The following PTPRN2 variants were observed in gnomAD, a reference collection of about 807,000 sequenced individuals.
The protein encoded by PTPRN2 is receptor-type tyrosine-protein phosphatase N2.
In PTPRN2, 74 loss-of-function variants were observed where a neutral mutation model predicts 118.8. That is an observed-to-expected ratio of 0.62 (90% confidence interval 0.52 to 0.76). The LOEUF is 0.76. Ranked by LOEUF, PTPRN2 falls within the 30% of genes least tolerant of loss-of-function variation. The probability of loss-of-function intolerance (pLI) is 0.00; values close to 1 mark genes in which losing one functional copy is unlikely to be tolerated. For synonymous variants in PTPRN2, 641 were observed against 608.0 expected (o/e 1.05, Z -0.80); for missense variants, 1,481 against 1,394.4 (o/e 1.06, Z -0.99).
At chr7:158,443,758 G>A (rs75271568) in intron 2 of PTPRN2, among the ~76,000 whole-genome samples, 11,472 of 152,268 alleles carry the variant, frequency 0.075, 513 homozygotes, top group Non-Finnish European at 0.099. Context: ...TCCAAGGCCT[G>A]TGGCCAGCAG....
chr7:158,445,602 C>T (rs760237739), intron 2 of PTPRN2, among the ~76,000 whole-genome samples: 61 of 152,348 alleles, frequency 4.0e-4, no homozygotes, highest in African/African-American at 1.3e-3. Flanking sequence ...CAGCCCATAA[C>T]GGGGCCGTCC....
chr7:158,124,843 G>A (rs910882636), intron 9 of PTPRN2, among the ~76,000 whole-genome samples: 2 of 152,356 alleles, frequency 1.3e-5, no homozygotes, highest in Admixed American at 6.5e-5. Flanking sequence ...ATTCCAACAG[G>A]AGAGGGTGAC....
intron 2 of PTPRN2, among the ~76,000 whole-genome samples, chr7:158,484,385 CAG>C (rs150440614): frequency 0.027 from 4,037 of 152,288 alleles, 68 homozygotes; most frequent in Non-Finnish European, 0.043. Context: ...TATTTAGAGA[CAG>C]AGTCTCACTC....
chr7:158,216,076 T>C (rs1563614806), intron 3 of PTPRN2, among the ~76,000 whole-genome samples: 1 of 152,078 alleles, frequency 6.6e-6, no homozygotes, highest in South Asian at 2.1e-4. Flanking sequence ...AATTATAATA[T>C]AAATGAGGGG....
At chr7:158,280,088 C>T (rs1348475874) in intron 3 of PTPRN2, among the ~76,000 whole-genome samples, 1 of 152,156 alleles carries the variant, frequency 6.6e-6, no homozygotes, top group Non-Finnish European at 1.5e-5. Context: ...GCAGTTTGCT[C>T]TCAAGCAGTT....
rs1809199655 is a variant in PTPRN2, at chr7:158,363,772, G to T, written c.164-46840C>A. Among the ~76,000 whole-genome samples, 2 of 152,224 alleles carry T rather than the reference G, an allele frequency of 1.3e-5. 1 individual carries two copies. The highest frequency in any genetic ancestry group is 4.1e-4 in the South Asian group (2 of 4,838). On this transcript the variant is annotated intron_variant, in intron 2 of 22. Transcript: ENST00000389418. ...CACGGGCCTGGGAAGCGGCTGGCCTGCAGCTCAGGAACCCCAGTGTCTGGG... is the reference window on the plus strand; with the variant it reads ...CACGGGCCTGGGAAGCGGCTGGCCTTCAGCTCAGGAACCCCAGTGTCTGGG...
chr7:157,847,143 C>A (rs1808889561), intron 12 of PTPRN2, among the ~76,000 whole-genome samples: 2 of 137,876 alleles, frequency 1.5e-5, no homozygotes, highest in South Asian at 2.6e-4. Context: ...CTCTCTCACT[C>A]CATCATGCGT....
At chr7:158,343,291 AG>A (rs1468563189) in intron 2 of PTPRN2, among the ~76,000 whole-genome samples, 1 of 152,142 alleles carries the variant, frequency 6.6e-6, no homozygotes, top group East Asian at 1.9e-4. Flanking sequence ...CTGAAAGCAC[AG>A]GGAAGGCGCC....
intron 14 of PTPRN2, among the ~76,000 whole-genome samples, chr7:157,638,482 C>A (rs1469271136): frequency 1.3e-5 from 2 of 152,212 alleles, no homozygotes; most frequent in African/African-American, 2.4e-5. Context: ...CCATAGTCAA[C>A]CACAATTACC....
chr7:158,565,000 C>T (rs1004194139), intron 1 of PTPRN2, among the ~76,000 whole-genome samples: 2 of 152,200 alleles, frequency 1.3e-5, no homozygotes, highest in Non-Finnish European at 2.9e-5. Flanking sequence ...CCCTGCCCCA[C>T]GTAACGGCTT....
chr7:157,881,305 A>ATGGTATGTGGAGATG lies in PTPRN2; in HGVS notation c.1788+17367_1788+17368insCATCTCCACATACCA, dbSNP rs1213903167. ...GTCATTACAGTAAAATGTGGTCATC[A>ATGGTATGTGGAGATG]GGGTGAGCCTGATCCCATGTGACTG... On this transcript the variant is annotated intron_variant, in intron 12 of 22. Coordinates refer to ENST00000389418, the MANE Select transcript of PTPRN2 (RefSeq NM_002847.5). This position sits in a 1 kb window ranked among gnomAD's most constrained non-coding sequence, Gnocchi z 4.7. Among the ~76,000 whole-genome samples the ATGGTATGTGGAGATG allele has an allele frequency of 6.6e-6, 1 of 151,798 alleles. No homozygotes were observed. Among genetic ancestry groups the ATGGTATGTGGAGATG allele is most frequent in the African/African-American group, 2.4e-5 (1 of 41,262 alleles).
intron 12 of PTPRN2, among the ~76,000 whole-genome samples, chr7:157,827,774 C>T (rs1807283902): frequency 6.6e-6 from 1 of 152,254 alleles, no homozygotes; most frequent in Non-Finnish European, 1.5e-5. Flanking sequence ...GGATGTGGCC[C>T]CTGAGCTGCC....
rs561763806 is a variant in PTPRN2 at position 157,719,268 on chromosome 7, G to A, written c.1789-36331C>T. ...GGCCCCTCGTGCCAGGACTTCTGAA[G>A]GTTGTGCCTGACTCACGTCTCCATT... On this transcript the variant is annotated intron_variant, in intron 12 of 22. Coordinates refer to ENST00000389418, the MANE Select transcript of PTPRN2 (RefSeq NM_002847.5). 2.0e-5 allele frequency among the ~76,000 whole-genome samples: 3 copies of A among 152,356 alleles called. No individual in the cohort carries two copies. The East Asian group carries it at 5.8e-4, about 29-fold the overall frequency.
intron 6 of PTPRN2, among the ~76,000 whole-genome samples, chr7:158,143,229 TG>T (rs1819551914): frequency 6.6e-6 from 1 of 152,136 alleles, no homozygotes; most frequent in Non-Finnish European, 1.5e-5. Flanking sequence ...GAGCTGTGTC[TG>T]GAAAAGTAGG....
At chr7:158,302,593 G>C (rs1157561174) in intron 3 of PTPRN2, among the ~76,000 whole-genome samples, 12 of 152,256 alleles carry the variant, frequency 7.9e-5, no homozygotes, top group African/African-American at 2.7e-4. Context: ...CCTAGGGCAT[G>C]TAGGACCACC....
intron 12 of PTPRN2, among the ~76,000 whole-genome samples, chr7:157,725,773 T>G (rs2952642): frequency 0.62 from 28,163 of 45,514 alleles, 8,303 homozygotes; most frequent in East Asian, 0.74. Context: ...CGCAGAGGAC[T>G]GCGGCCAGAC....
At position 158,043,864 on chromosome 7, in the gene PTPRN2, G is replaced by A. The variant is rs114972914; in HGVS notation, c.1723+37434C>T. Among the ~76,000 whole-genome samples, 299 of 152,330 alleles carry A rather than the reference G, an allele frequency of 2.0e-3. 1 individual carries two copies. The highest frequency in any genetic ancestry group is 6.8e-3 in the African/African-American group (283 of 41,576). On this transcript the variant is annotated intron_variant, in intron 11 of 22. Coordinates refer to ENST00000389418, the MANE Select transcript of PTPRN2 (RefSeq NM_002847.5). ...AGCGCACAGACCATCCTGCACAGTT[G>A]GCTCAGCATTTAGCAATTACATAAA...
At chr7:158,267,534 C>T (rs1006657856) in intron 3 of PTPRN2, among the ~76,000 whole-genome samples, 5 of 152,176 alleles carry the variant, frequency 3.3e-5, no homozygotes, top group Admixed American at 1.3e-4. Context: ...CACACCCCAC[C>T]TTCCACCTCA....
rs1453767764 is a variant in PTPRN2, at chr7:157,615,124, G to A, written c.2344+6238C>T. The stretch of plus-strand genomic sequence containing the variant: ...CAGAAAATAAATGAAGTGCTCGCAG[G>A]TCACGCTAATACGGCCAACACTGGG... On this transcript the variant is annotated intron_variant, in intron 15 of 22. Coordinates refer to ENST00000389418, the MANE Select transcript of PTPRN2 (RefSeq NM_002847.5). This position sits in a 1 kb window ranked among gnomAD's most constrained non-coding sequence, Gnocchi z 4.3. Among the ~76,000 whole-genome samples the A allele has an allele frequency of 1.3e-5, 2 of 152,246 alleles. No individual in the cohort carries two copies. Among genetic ancestry groups the A allele is most frequent in the Admixed American group, 1.3e-4 (2 of 15,290 alleles).
Sources: allele counts gnomAD v4.1 joint callset (sites outside exome capture counted in the v4.1 genomes callset), GRCh38; gene constraint gnomAD v4.1.1; non-coding constraint Gnocchi (gnomAD v3.1); transcripts MANE v1.5; gene names NCBI Gene and HGNC (gene_info 2026-07-23, HGNC 2026-07-21).